GRID2: variants seen among roughly 807,000 people sequenced by gnomAD.
GRID2 encodes glutamate ionotropic receptor delta type subunit 2.
GRID2 carries 33 observed loss-of-function variants against 114.8 expected under a neutral mutation model. That is an observed-to-expected ratio of 0.29 (90% CI 0.22 to 0.38). The LOEUF is 0.38. GRID2 is among the 10% of genes least tolerant of loss of function. The pLI is 1.00. For synonymous variants in GRID2, 505 were observed against 449.9 expected (o/e 1.12, Z -1.55); for missense variants, 1,184 against 1,257.7 (o/e 0.94, Z 0.89).
chr4:93,576,920 GA>G (rs1307911473), intron 13 of GRID2, among the ~76,000 whole-genome samples: 1 of 152,068 alleles, frequency 6.6e-6, no homozygotes, highest in African/African-American at 2.4e-5. Context: ...ATGGAAGGAT[GA>G]AAAAGAAAAA....
intron 2 of GRID2, among the ~76,000 whole-genome samples, chr4:92,672,311 CAT>C (rs944756765): frequency 7.2e-5 from 11 of 152,112 alleles, no homozygotes; most frequent in South Asian, 2.1e-4. Context: ...AAATATTTAA[CAT>C]GTGTCTCTGA....
At chr4:93,473,100 A>AT in intron 11 of GRID2, among the ~76,000 whole-genome samples, 1 of 152,120 alleles carries the variant, frequency 6.6e-6, no homozygotes, top group East Asian at 1.9e-4. Context: ...TCCTTTAACT[A>AT]TTTTTTCCTG....
chr4:93,162,207 G>A (rs1265140820), intron 4 of GRID2, among the ~76,000 whole-genome samples: 8 of 151,798 alleles, frequency 5.3e-5, no homozygotes, highest in African/African-American at 1.7e-4. Context: ...TAGGCAGACT[G>A]ACAGATAACA....
chr4:93,451,344 C>T (rs541487479), intron 10 of GRID2, among the ~76,000 whole-genome samples: 20 of 152,066 alleles, frequency 1.3e-4, no homozygotes, highest in African/African-American at 4.1e-4. Flanking sequence ...TGGATAGCTT[C>T]CCTGTGAAAA....
intron 1 of GRID2, among the ~76,000 whole-genome samples, chr4:92,553,504 T>C (rs1042566310): frequency 1.3e-5 from 2 of 152,138 alleles, no homozygotes; most frequent in Non-Finnish European, 2.9e-5. Context: ...ACATAGAAAT[T>C]TGATTTATAG....
At chr4:93,040,210 A>G (rs1725373466) in intron 2 of GRID2, among the ~76,000 whole-genome samples, 1 of 151,928 alleles carries the variant, frequency 6.6e-6, no homozygotes, top group Non-Finnish European at 1.5e-5. Flanking sequence ...GTTTCTCATT[A>G]GTTATAATAA....
chr4:92,425,412 TTAGC>T (rs1446778254), intron 1 of GRID2, among the ~76,000 whole-genome samples: 2 of 152,180 alleles, frequency 1.3e-5, no homozygotes, highest in East Asian at 3.9e-4. Flanking sequence ...AAAACAAGTG[TTAGC>T]TAGCGACTGA....
intron 2 of GRID2, among the ~76,000 whole-genome samples, chr4:92,780,697 A>C (rs1034121943): frequency 2.0e-5 from 3 of 152,030 alleles, no homozygotes; most frequent in Admixed American, 6.6e-5. Context: ...GTTTCTGTCC[A>C]TCCTCTGGCC....
chr4:93,725,385 G>A (rs1270090544), intron 14 of GRID2, among the ~76,000 whole-genome samples: 1 of 152,116 alleles, frequency 6.6e-6, no homozygotes, highest in Non-Finnish European at 1.5e-5. Flanking sequence ...GTCCATCCTT[G>A]TTGGACATTT....
At chr4:93,453,940 AACTGAAC>A (rs1440056711) in intron 10 of GRID2, among the ~76,000 whole-genome samples, 2 of 152,086 alleles carry the variant, frequency 1.3e-5, no homozygotes, top group African/African-American at 4.8e-5. Context: ...ACAATAATGA[AACTGAAC>A]AGTTACATTC....
intron 8 of GRID2, among the ~76,000 whole-genome samples, chr4:93,297,253 A>G (rs945159361): frequency 5.3e-5 from 8 of 152,244 alleles, no homozygotes; most frequent in East Asian, 3.8e-4. Context: ...TAGGTGCTCA[A>G]TAAATATTGA....
At chr4:92,641,683 A>G (rs11934340) in intron 2 of GRID2, among the ~76,000 whole-genome samples, 2,707 of 151,694 alleles carry the variant, frequency 0.018, 75 homozygotes, top group African/African-American at 0.062. Flanking sequence ...GCCAACTTTT[A>G]TTTTCAATAC....
intron 14 of GRID2, among the ~76,000 whole-genome samples, chr4:93,673,751 C>T (rs1470889397): frequency 6.6e-6 from 1 of 152,190 alleles, no homozygotes; most frequent in Non-Finnish European, 1.5e-5. Flanking sequence ...TTATTAAGCA[C>T]TGTCCCCAGG....
chr4:93,493,291 A>G (rs530396634), intron 12 of GRID2, among the ~76,000 whole-genome samples: 7 of 152,004 alleles, frequency 4.6e-5, no homozygotes, highest in African/African-American at 1.7e-4. Flanking sequence ...ATTATAGTAA[A>G]CAAAAAATCA....
At chr4:93,322,034 A>ATTTCTTTTT (rs1553909009) in intron 8 of GRID2, among the ~76,000 whole-genome samples, 1 of 148,122 alleles carries the variant, frequency 6.8e-6, no homozygotes, top group Non-Finnish European at 1.5e-5. Context: ...ATTTTTTCTT[A>ATTTCTTTTT]TTTCTTTTTT....
chr4:93,077,592 T>C (rs898980310), intron 2 of GRID2, among the ~76,000 whole-genome samples: 1 of 152,210 alleles, frequency 6.6e-6, no homozygotes, highest in African/African-American at 2.4e-5. Flanking sequence ...ATTATCATTC[T>C]TGCCACAATT....
intron 2 of GRID2, among the ~76,000 whole-genome samples, chr4:92,609,892 G>T (rs1012265904): frequency 6.6e-6 from 1 of 151,638 alleles, no homozygotes; most frequent in Non-Finnish European, 1.5e-5. Context: ...GAGAGCCAGT[G>T]TATCTGTTAA....
chr4:93,781,332 C>T (rs1013773969), intron 1 of GRID2, among the ~76,000 whole-genome samples: 2 of 151,730 alleles, frequency 1.3e-5, no homozygotes, highest in African/African-American at 4.9e-5. Flanking sequence ...CACTGGGCTG[C>T]GGTGAGGCCC....
intron 13 of GRID2, among the ~76,000 whole-genome samples, chr4:93,617,384 G>C (rs2149677152): frequency 6.6e-6 from 1 of 152,256 alleles, no homozygotes; most frequent in South Asian, 2.1e-4. Context: ...TCTTTTGATT[G>C]ATTTAGAAGT....
Sources: gnomAD v4.1 joint callset for allele counts (sites outside exome capture counted in the v4.1 genomes callset) on GRCh38, gnomAD v4.1.1 for gene constraint, MANE v1.5 for transcripts, NCBI Gene and HGNC (gene_info 2026-07-23, HGNC 2026-07-21) for gene names.